KCNH7: variants seen among roughly 807,000 people sequenced by gnomAD.
KCNH7 encodes voltage-gated inwardly rectifying potassium channel KCNH7.
In KCNH7, 49 loss-of-function variants were observed where a neutral mutation model predicts 120.8. That is an observed-to-expected ratio of 0.41 (90% CI 0.32 to 0.51). KCNH7 has a LOEUF of 0.51. Ranked by LOEUF, KCNH7 falls within the 20% of genes least tolerant of loss-of-function variation. The pLI, the probability that KCNH7 is intolerant of heterozygous loss-of-function variation, is 0.38. For missense variants in KCNH7, 1,097 were observed against 1,446.6 expected (o/e 0.76, Z 3.92); for synonymous variants, 547 against 516.1 (o/e 1.06, Z -0.81).
chr2:162,532,662 C>G (rs1241073927), intron 3 of KCNH7, among the ~76,000 whole-genome samples: 2 of 151,998 alleles, frequency 1.3e-5, no homozygotes, highest in Non-Finnish European at 2.9e-5. Context: ...AGGGGATATA[C>G]TTCACCTAAG....
intron 9 of KCNH7, among the ~76,000 whole-genome samples, chr2:162,420,777 T>C (rs1687678042): frequency 6.6e-6 from 1 of 152,194 alleles, no homozygotes; most frequent in African/African-American, 2.4e-5. Context: ...TTTAAGGTTA[T>C]ACGTAAAATA....
At chr2:162,625,568 C>T (rs1236874098) in intron 2 of KCNH7, among the ~76,000 whole-genome samples, 4 of 152,088 alleles carry the variant, frequency 2.6e-5, no homozygotes, top group African/African-American at 9.7e-5. Context: ...GAAAAGGATG[C>T]TTTGTAGTTA....
At chr2:162,638,781 C>A (rs1193909481) in intron 2 of KCNH7, among the ~76,000 whole-genome samples, 4 of 152,086 alleles carry the variant, frequency 2.6e-5, no homozygotes, top group African/African-American at 9.7e-5. Context: ...AGACTAAGGG[C>A]AGTTCTAAAC....
At chr2:162,685,474 GC>G (rs76120341) in intron 2 of KCNH7, among the ~76,000 whole-genome samples, 4,901 of 152,132 alleles carry the variant, frequency 0.032, 208 homozygotes, top group African/African-American at 0.1. Context: ...ATATATTCTA[GC>G]GATGAATTGT....
chr2:162,702,192 G>A (rs1228639897), intron 2 of KCNH7, among the ~76,000 whole-genome samples: 2 of 152,012 alleles, frequency 1.3e-5, no homozygotes, highest in Admixed American at 6.6e-5. Context: ...GATAAAAAAT[G>A]TTCAGTATAG....
chr2:162,560,948 T>C (rs1693040907), intron 2 of KCNH7, among the ~76,000 whole-genome samples: 1 of 152,160 alleles, frequency 6.6e-6, no homozygotes, highest in African/African-American at 2.4e-5. Context: ...ATTTTCCCAG[T>C]ATGTTAGTGT....
intron 2 of KCNH7, among the ~76,000 whole-genome samples, chr2:162,666,187 G>A (rs558258639): frequency 1.3e-5 from 2 of 152,102 alleles, no homozygotes; most frequent in East Asian, 3.9e-4. Flanking sequence ...GTTGTCCCTT[G>A]GTTTGCAATC....
At chr2:162,472,224 C>G (rs1451825003) in intron 6 of KCNH7, among the ~76,000 whole-genome samples, 1 of 152,120 alleles carries the variant, frequency 6.6e-6, no homozygotes, top group Non-Finnish European at 1.5e-5. Context: ...CAACAAAAGC[C>G]AAAATTGACA....
chr2:162,379,060 T>C (rs1264718665), intron 14 of KCNH7, among the ~76,000 whole-genome samples: 1 of 152,214 alleles, frequency 6.6e-6, no homozygotes, highest in Admixed American at 6.5e-5. Flanking sequence ...TTCCCTCTTC[T>C]CTCACTTGTG....
chr2:162,437,442 T>C (rs2105527577), intron 7 of KCNH7, among the ~76,000 whole-genome samples: 1 of 152,222 alleles, frequency 6.6e-6, no homozygotes, highest in African/African-American at 2.4e-5. Context: ...TGAATATAGG[T>C]TTTAAATTAT....
At chr2:162,500,379 A>ATATAT (rs1015780445) in intron 6 of KCNH7, among the ~76,000 whole-genome samples, 3 of 147,620 alleles carry the variant, frequency 2.0e-5, no homozygotes, top group African/African-American at 7.4e-5. Context: ...TGTATATATT[A>ATATAT]TATATAATAC....
chr2:162,598,053 T>A (rs1488994757), intron 2 of KCNH7, among the ~76,000 whole-genome samples: 1 of 152,048 alleles, frequency 6.6e-6, no homozygotes, highest in Non-Finnish European at 1.5e-5. Flanking sequence ...TTACCTGCAT[T>A]TATACTCTTG....
At chr2:162,379,730 A>G (rs1448047771) in intron 14 of KCNH7, 123 bp downstream of exon 14, 39 of 921,948 alleles carry the variant, frequency 4.2e-5, no homozygotes, top group Non-Finnish European at 6.4e-5. Flanking sequence ...CTTATTTTAA[A>G]TAAGTAAATG....
At chr2:162,657,433 GT>G (rs1559067739) in intron 2 of KCNH7, among the ~76,000 whole-genome samples, 1 of 152,010 alleles carries the variant, frequency 6.6e-6, no homozygotes, top group Non-Finnish European at 1.5e-5. Context: ...TCAAATAGGC[GT>G]TTTCACTTAG....
At chr2:162,516,724 A>G (rs989527742) in intron 4 of KCNH7, among the ~76,000 whole-genome samples, 1 of 151,704 alleles carries the variant, frequency 6.6e-6, no homozygotes, top group Non-Finnish European at 1.5e-5. Context: ...GAAAGTCAAG[A>G]GTTTCAACAG....
At chr2:162,689,589 G>A (rs555299431) in intron 2 of KCNH7, among the ~76,000 whole-genome samples, 2 of 151,998 alleles carry the variant, frequency 1.3e-5, no homozygotes, top group African/African-American at 4.8e-5. Flanking sequence ...AGTTAAATCT[G>A]CTTATTTTTT....
intron 8 of KCNH7, among the ~76,000 whole-genome samples, chr2:162,429,409 C>T (rs1202361920): frequency 8.3e-5 from 6 of 71,942 alleles, no homozygotes; most frequent in Admixed American, 7.6e-4. Flanking sequence ...TTTTTTTACT[C>T]ACACATTTAC....
At chr2:162,757,745 C>A (rs1688836704) in intron 2 of KCNH7, among the ~76,000 whole-genome samples, 1 of 152,126 alleles carries the variant, frequency 6.6e-6, no homozygotes. Flanking sequence ...TCTCACAAGA[C>A]AATAACTAGG....
In KCNH7 at chr2:162,458,780, C is replaced by T. The variant is rs375106061; in HGVS notation, c.1129-12337G>A. ...AGAGGCATAGATGCCAACAGGAGGA[C>T]GTCTTCGGCAGGCAGTTAGAAGGTC... is the stretch of plus-strand genomic sequence containing the variant. On this transcript the variant is annotated intron_variant, in intron 6 of 15. Transcript: ENST00000332142. 2.6e-4 allele frequency among the ~76,000 whole-genome samples: 39 copies of T among 152,046 alleles called. 1 individual carries two copies. The highest frequency in any genetic ancestry group is 6.2e-4 in the South Asian group (3 of 4,816).
Sources: allele counts gnomAD v4.1 joint callset (sites outside exome capture counted in the v4.1 genomes callset), GRCh38; gene constraint gnomAD v4.1.1; transcripts MANE v1.5; gene names NCBI Gene and HGNC (gene_info 2026-07-23, HGNC 2026-07-21).